SERPINB5: variants seen among roughly 807,000 people sequenced by gnomAD.
SERPINB5 encodes serpin family B member 5.
SERPINB5 carries 27 observed loss-of-function variants against 32.2 expected under a neutral mutation model. The observed-to-expected ratio is 0.84, with a 90% CI of 0.62 to 1.16. The LOEUF is 1.16. SERPINB5 is among the 50% of genes most tolerant of loss of function. The pLI, the probability that SERPINB5 is intolerant of heterozygous loss-of-function variation, is 0.00. For missense variants in SERPINB5, 388 were observed against 436.3 expected (o/e 0.89, Z 0.99); for synonymous variants, 154 against 157.4 (o/e 0.98, Z 0.16).
At chr18:63,484,739 A>AAATTTTT in intron 2 of SERPINB5, 143 bp downstream of exon 2, 1 of 144,452 alleles carries the variant, frequency 6.9e-6, no homozygotes, top group Non-Finnish European at 1.3e-5. Flanking sequence ...GACTCTCTTA[A>AAATTTTT]TCTTTTTTTT....
chr18:63,504,684 C>G lies in SERPINB5; in HGVS notation c.*962C>G, dbSNP rs916753371. ...TCTAGCTGACTTGCACAGGGATTCT[C>G]ACAATAGCCGATATCAGAATTTGTG... On this transcript the variant is annotated 3_prime_UTR_variant, in exon 7 of 7. Coordinates refer to ENST00000382771, the MANE Select transcript of SERPINB5 (RefSeq NM_002639.5). 6.6e-6 allele frequency: 1 copy of G among 152,178 alleles called. No homozygotes were observed. Among genetic ancestry groups the G allele is most frequent in the African/African-American group, 2.4e-5 (1 of 41,436 alleles). 9.4% of individuals were successfully genotyped at this position (152,178 alleles called of 1,614,324 possible).
intron 2 of SERPINB5, chr18:63,486,565 G>C (rs997582230): frequency 1.2e-5 from 2 of 167,282 alleles, no homozygotes; most frequent in African/African-American, 4.7e-5. Context: ...TTGAAGAAAG[G>C]ACAAATGTTC....
intron 2 of SERPINB5, 121 bp downstream of exon 2, chr18:63,484,717 G>T: frequency 1.8e-5 from 8 of 443,616 alleles, no homozygotes; most frequent in South Asian, 1.7e-4. Context: ...ATTCAGAACT[G>T]TGCCATTCCA....
At chr18:63,494,087 G>A (rs896301846) in intron 5 of SERPINB5, among the ~76,000 whole-genome samples, 4 of 151,962 alleles carry the variant, frequency 2.6e-5, no homozygotes, top group Admixed American at 2.6e-4. Context: ...ACCTTGGGAA[G>A]TCGAGGCAGG....
chr18:63,477,247 G>A (rs1453815665), intron 1 of SERPINB5: 2 of 152,126 alleles, frequency 1.3e-5, no homozygotes, highest in Admixed American at 1.3e-4. Context: ...AACCCTTTGA[G>A]CACCAGGAAC....
At chr18:63,497,815 ACCATTATT>A (rs1301718077) in intron 5 of SERPINB5, among the ~76,000 whole-genome samples, 33 of 152,270 alleles carry the variant, frequency 2.2e-4, no homozygotes, top group African/African-American at 7.2e-4. Flanking sequence ...CCCAGTGGTA[ACCATTATT>A]CTGAATTTAC....
In SERPINB5 at chr18:63,489,982, G is replaced by A. The variant is rs569220884; in HGVS notation, c.424+518G>A. 2.5e-4 allele frequency among the ~76,000 whole-genome samples: 38 copies of A among 152,298 alleles called. 1 individual carries two copies. Among genetic ancestry groups the A allele is most frequent in the Admixed American group, 2.2e-3 (34 of 15,310 alleles). On this transcript the variant is annotated intron_variant, in intron 4 of 6. Coordinates refer to ENST00000382771, the MANE Select transcript of SERPINB5 (RefSeq NM_002639.5). Reference sequence around the variant, plus strand: ...CCAAGGCGGGCGGATCACGAGGTCAGGAGATCGAGACCATCCTGGCTAACA... The same window carrying A: ...CCAAGGCGGGCGGATCACGAGGTCAAGAGATCGAGACCATCCTGGCTAACA...
At chr18:63,493,822 C>T (rs1909391181) in intron 5 of SERPINB5, 1 of 154,044 alleles carries the variant, frequency 6.5e-6, no homozygotes, top group Non-Finnish European at 1.4e-5. Context: ...CACCACTGCA[C>T]TCCAGCTTGG....
intron 2 of SERPINB5, among the ~76,000 whole-genome samples, chr18:63,486,356 C>G (rs1196698650): frequency 6.6e-6 from 1 of 152,196 alleles, no homozygotes; most frequent in African/African-American, 2.4e-5. Flanking sequence ...ATCTATTTAC[C>G]TGGCATTTGC....
At position 63,503,526 on chromosome 18, in the gene SERPINB5, A is replaced by G. The variant is rs776541407; in HGVS notation, c.932A>G (p.Lys311Arg). Residue 311 changes from lysine to arginine, a missense_variant, in exon 7 of 7, where the codon AAG becomes AGG. By Grantham distance (26) the Lys-to-Arg change is conservative. Transcript: ENST00000382771. ...TSDFSGMSETKGVALSNVIHK... is the reference protein window; with the variant it reads ...TSDFSGMSETRGVALSNVIHK... ...GATTTCTCTGGAATGTCAGAGACCA[A>G]GGGAGTGGCCCTATCAAATGTTATC... The G allele has an allele frequency of 6.8e-6, 11 of 1,614,122 alleles. No homozygotes were observed. Among genetic ancestry groups the G allele is most frequent in the Admixed American group, 3.3e-5 (2 of 60,014 alleles).
chr18:63,480,526 A>G (rs1423780839), intron 1 of SERPINB5, among the ~76,000 whole-genome samples: 1 of 152,054 alleles, frequency 6.6e-6, no homozygotes, highest in Non-Finnish European at 1.5e-5. Context: ...GCTAATCTCT[A>G]CTCTGGTACT....
chr18:63,482,365 T>C (rs912648140), intron 1 of SERPINB5, among the ~76,000 whole-genome samples: 2 of 152,198 alleles, frequency 1.3e-5, no homozygotes, highest in Non-Finnish European at 2.9e-5. Flanking sequence ...AATGCCAGGG[T>C]GCATGTCCTA....
chr18:63,481,421 ATT>A (rs2144492797), intron 1 of SERPINB5, among the ~76,000 whole-genome samples: 1 of 152,342 alleles, frequency 6.6e-6, no homozygotes, highest in East Asian at 1.9e-4. Flanking sequence ...ACTATGCAAA[ATT>A]ATTCTAGTTT....
chr18:63,487,183 AG>A (rs1917229957), intron 3 of SERPINB5, 100 bp downstream of exon 3: 2 of 1,173,854 alleles, frequency 1.7e-6, no homozygotes, highest in African/African-American at 1.5e-5. Context: ...ATTCCTTTCT[AG>A]GATGTTCACT....
Position 63,485,855 on chromosome 18 carries a change from A to G in SERPINB5, c.169-1091A>G, listed in dbSNP as rs1057273608. Reference sequence around the variant, plus strand: ...TGAGGCTATGTAATTCATTGGGACAATGTGCCGGTTTGGCAGCGTTCGTTA... The same window carrying G: ...TGAGGCTATGTAATTCATTGGGACAGTGTGCCGGTTTGGCAGCGTTCGTTA... On this transcript the variant is annotated intron_variant, in intron 2 of 6. Coordinates refer to ENST00000382771, the MANE Select transcript of SERPINB5 (RefSeq NM_002639.5). 4 of 152,970 alleles carry G rather than the reference A, an allele frequency of 2.6e-5. No homozygotes were observed. In the Admixed American group the frequency reaches 2.6e-4, roughly 10 times the overall value. 9.5% of individuals were successfully genotyped at this position (152,970 alleles called of 1,614,324 possible). A position where few individuals can be genotyped will look rare whatever the true frequency, so the allele number is the denominator to read the frequency against.
chr18:63,478,871 T>G (rs1917079635), intron 1 of SERPINB5, among the ~76,000 whole-genome samples: 1 of 151,994 alleles, frequency 6.6e-6, no homozygotes, highest in Admixed American at 6.5e-5. Context: ...GTGATTTTTC[T>G]GTCTCAGCCT....
intron 5 of SERPINB5, chr18:63,497,427 CCTG>C: frequency 2.2e-6 from 2 of 909,758 alleles, no homozygotes; most frequent in Non-Finnish European, 3.5e-6. Context: ...CCTGCCTGTC[CCTG>C]CTGCTGCGGC....
intron 6 of SERPINB5, among the ~76,000 whole-genome samples, chr18:63,501,287 T>C (rs1221175254): frequency 3.4e-5 from 5 of 149,176 alleles, no homozygotes; most frequent in African/African-American, 1.2e-4. Flanking sequence ...AGTGAGAACA[T>C]GCAGTGTTTG....
intron 5 of SERPINB5, among the ~76,000 whole-genome samples, chr18:63,496,522 A>G (rs1599392701): frequency 6.6e-6 from 1 of 152,338 alleles, no homozygotes; most frequent in East Asian, 1.9e-4. Flanking sequence ...GACAATCACT[A>G]GATAATATTT....
Sources: allele counts gnomAD v4.1 joint callset (sites outside exome capture counted in the v4.1 genomes callset), GRCh38; gene constraint gnomAD v4.1.1; transcripts MANE v1.5; gene names NCBI Gene and HGNC (gene_info 2026-07-23, HGNC 2026-07-21).